Variants in DCC observed in about 807,000 individuals in gnomAD.
The protein encoded by DCC is netrin receptor DCC.
In DCC, 58 loss-of-function variants were observed where a neutral mutation model predicts 172.5. That is an observed-to-expected ratio of 0.34 (90% CI 0.27 to 0.42). DCC has a LOEUF of 0.42. DCC is among the 10% of genes least tolerant of loss of function. The pLI is 1.00. For missense variants in DCC, 1,740 were observed against 1,791.0 expected (o/e 0.97, Z 0.51); for synonymous variants, 709 against 644.5 (o/e 1.10, Z -1.52).
intron 1 of DCC, among the ~76,000 whole-genome samples, chr18:52,527,056 A>G (rs1393113935): frequency 6.6e-6 from 1 of 152,232 alleles, no homozygotes; most frequent in African/African-American, 2.4e-5. Context: ...ATGCACAGGG[A>G]TGACATTATT....
chr18:52,545,358 G>A (rs990624530), intron 1 of DCC, among the ~76,000 whole-genome samples: 1 of 152,188 alleles, frequency 6.6e-6, no homozygotes, highest in Admixed American at 6.5e-5. Context: ...TTCCTGCAGT[G>A]ATCCCCAGAA....
At chr18:52,934,487 C>T (rs977329679) in intron 5 of DCC, among the ~76,000 whole-genome samples, 1 of 152,000 alleles carries the variant, frequency 6.6e-6, no homozygotes, top group Non-Finnish European at 1.5e-5. Flanking sequence ...AGATTTTTAT[C>T]TATGTTATCT....
At chr18:53,267,355 T>C (rs1363942954) in intron 12 of DCC, among the ~76,000 whole-genome samples, 1 of 152,040 alleles carries the variant, frequency 6.6e-6, no homozygotes, top group Non-Finnish European at 1.5e-5. Flanking sequence ...CCTAACTAAC[T>C]TTTGTATTTT....
At chr18:52,931,840 G>A (rs2040312210) in intron 5 of DCC, 1 of 152,086 alleles carries the variant, frequency 6.6e-6, no homozygotes, top group Non-Finnish European at 1.5e-5. Flanking sequence ...GATTGCACTA[G>A]GTTCTGGGAA....
chr18:53,432,752 T>TATTA (rs1911702042), intron 21 of DCC, among the ~76,000 whole-genome samples: 1 of 151,984 alleles, frequency 6.6e-6, no homozygotes, highest in Non-Finnish European at 1.5e-5. Context: ...TTATTATTAT[T>TATTA]ATTATTATTA....
intron 2 of DCC, among the ~76,000 whole-genome samples, chr18:52,868,974 T>A (rs906079563): frequency 2.0e-5 from 3 of 152,188 alleles, no homozygotes; most frequent in African/African-American, 7.2e-5. Context: ...CTGGGGAATG[T>A]GGTGTCACCT....
At chr18:52,730,486 T>C (rs1482897337) in intron 1 of DCC, among the ~76,000 whole-genome samples, 1 of 152,226 alleles carries the variant, frequency 6.6e-6, no homozygotes, top group Admixed American at 6.5e-5. Context: ...ATCACCATGG[T>C]TGATATTTGC....
At position 52,340,681 on chromosome 18, in the gene DCC, G is replaced by C; in HGVS notation, c.-107G>C. 1.2e-6 allele frequency: 1 copy of C among 843,304 alleles called. No homozygotes were observed. Among genetic ancestry groups the C allele is most frequent in the African/African-American group, 1.7e-5 (1 of 60,304 alleles). The allele number at this position is 843,304 out of a possible 1,614,324, so 52.2% of individuals were successfully genotyped here. ...AGAGGACGAGGAGGAGGAGGAAGCC[G>C]AAGGGGCTCGGCGCGTGTGTGTGCA... On this transcript the variant is annotated 5_prime_UTR_variant, in exon 1 of 29. Coordinates refer to ENST00000442544, the MANE Select transcript of DCC (RefSeq NM_005215.4).
In DCC at chr18:53,318,951, C is replaced by A. The variant is rs541053812; in HGVS notation, c.2054-3096C>A. Among the ~76,000 whole-genome samples, 78 of 152,156 alleles carry A rather than the reference C, an allele frequency of 5.1e-4. 1 individual carries two copies. Among genetic ancestry groups the A allele is most frequent in the South Asian group, 2.7e-3 (13 of 4,808 alleles). On this transcript the variant is annotated intron_variant, in intron 13 of 28. Transcript: ENST00000442544. ...CTGCAAGTCCGATAATAGTGGGGGC[C>A]AATATTCAACATTCTTAAGGAAAAG...
rs1468870827 is a variant in DCC at position 53,459,280 on chromosome 18, C to A, written c.3441C>A (p.Asp1147Glu). The A allele has an allele frequency of 6.2e-7, 1 of 1,614,118 alleles. No homozygotes were observed. The highest frequency in any genetic ancestry group is 2.2e-5 in the East Asian group (1 of 44,864). The change falls in exon 24 of 29, where the codon GAC becomes GAA. Residue 1147 changes from aspartate to glutamate, a missense_variant. Asp to Glu is a conservative substitution (Grantham distance 45, BLOSUM62 2). This residue lies in a region of DCC where 1,732 missense variants were observed against 1,767.4 expected (regional missense o/e 0.98). Coordinates refer to ENST00000442544, the MANE Select transcript of DCC (RefSeq NM_005215.4). Reference sequence around the variant, plus strand: ...GCAAAAGGAAGGGCAGCCAGAAGGACCTCCGACCCCCTGATCTTTGGATCC... The same window carrying A: ...GCAAAAGGAAGGGCAGCCAGAAGGAACTCCGACCCCCTGATCTTTGGATCC... ...SAGKRKGSQKDLRPPDLWIHH... is the reference protein window; with the variant it reads ...SAGKRKGSQKELRPPDLWIHH...
chr18:53,011,706 A>T (rs1193310629), intron 5 of DCC, among the ~76,000 whole-genome samples: 6 of 150,978 alleles, frequency 4.0e-5, no homozygotes, highest in African/African-American at 1.5e-4. Flanking sequence ...CAACTAAACG[A>T]CACTTAGGTT....
intron 27 of DCC, among the ~76,000 whole-genome samples, chr18:53,515,987 A>G (rs1334869045): frequency 7.3e-5 from 11 of 149,770 alleles, no homozygotes; most frequent in South Asian, 6.3e-4. Flanking sequence ...AGCCCGCATC[A>G]CCGAGTCAAT....
Position 53,272,099 on chromosome 18 carries a change from T to TTA in DCC, c.1912-33478_1912-33477insAT, listed in dbSNP as rs1279871974. 1.4e-4 allele frequency among the ~76,000 whole-genome samples: 22 copies of TTA among 152,246 alleles called. No individual in the cohort carries two copies. In the South Asian group the frequency reaches 4.6e-3, roughly 32 times the overall value. ...CATTAGAGGGTTAAGAAACTTAGTATTTTGGCAGAACTGAGTAATTTGTTT... is the reference window on the plus strand; with the variant it reads ...CATTAGAGGGTTAAGAAACTTAGTATTATTTGGCAGAACTGAGTAATTTGTTT... On this transcript the variant is annotated intron_variant, in intron 12 of 28. Transcript: ENST00000442544.
At chr18:52,585,548 C>G (rs1023897) in intron 1 of DCC, among the ~76,000 whole-genome samples, 148,021 of 152,298 alleles carry the variant, frequency 0.97, 72,095 homozygotes, top group Middle Eastern at 1. Flanking sequence ...GATTGGTTTC[C>G]AGTCAGGAAA....
chr18:52,572,293 G>A (rs1036589024), intron 1 of DCC, among the ~76,000 whole-genome samples: 8 of 152,138 alleles, frequency 5.3e-5, no homozygotes, highest in African/African-American at 1.9e-4. Flanking sequence ...GTGGGCTACA[G>A]AATCAGGAAG....
intron 1 of DCC, among the ~76,000 whole-genome samples, chr18:52,696,483 C>T (rs1048515629): frequency 1.3e-5 from 2 of 152,216 alleles, no homozygotes; most frequent in African/African-American, 2.4e-5. Context: ...TAAAAAACAA[C>T]TGCAGTTTTT....
At chr18:53,414,946 A>G (rs1051671949) in intron 20 of DCC, among the ~76,000 whole-genome samples, 4 of 152,338 alleles carry the variant, frequency 2.6e-5, no homozygotes, top group South Asian at 4.1e-4. Context: ...TTATGTTTAA[A>G]TGAAAGAAAT....
intron 12 of DCC, among the ~76,000 whole-genome samples, chr18:53,229,258 A>G (rs1409717604): frequency 6.6e-6 from 1 of 152,156 alleles, no homozygotes; most frequent in African/African-American, 2.4e-5. Context: ...GCAAAAACAC[A>G]GATTGGTCTC....
intron 1 of DCC, among the ~76,000 whole-genome samples, chr18:52,533,991 CACA>C (rs1234647634): frequency 1.3e-5 from 2 of 152,036 alleles, no homozygotes; most frequent in Non-Finnish European, 2.9e-5. Context: ...TTTCACCTAG[CACA>C]ACATTTTCAA....
Sources: gnomAD v4.1 joint callset for allele counts (sites outside exome capture counted in the v4.1 genomes callset) on GRCh38, gnomAD v4.1.1 for gene constraint, gnomAD v4.1.1 regional missense constraint, MANE v1.5 for transcripts, NCBI Gene and HGNC (gene_info 2026-07-23, HGNC 2026-07-21) for gene names.